The following MCTP1 variants were observed in gnomAD, a reference collection of about 807,000 sequenced individuals.
MCTP1 encodes the protein multiple C2 and transmembrane domain-containing protein 1.
Under a neutral mutation model 120.6 loss-of-function variants are expected in MCTP1, and 69 were observed. The ratio of observed to expected loss-of-function variants is 0.57; its 90% CI spans 0.47 to 0.70. The LOEUF (loss-of-function observed/expected upper bound fraction) is 0.70. Ranked by LOEUF, MCTP1 falls within the 30% of genes least tolerant of loss-of-function variation. The probability of loss-of-function intolerance (pLI) is 0.00; values close to 1 mark genes in which losing one functional copy is unlikely to be tolerated. For synonymous variants in MCTP1, 529 were observed against 493.1 expected, an observed-to-expected ratio of 1.07 and a Z score of -0.96; for missense variants, 1,203 against 1,248.8, an observed-to-expected ratio of 0.96 and a Z score of 0.55.
chr5:94,738,658 AATG>A (rs1430277169), intron 19 of MCTP1, among the ~76,000 whole-genome samples: 3 of 152,266 alleles, frequency 2.0e-5, no homozygotes, highest in East Asian at 1.9e-4. Flanking sequence ...GAATTCTGAG[AATG>A]ATGATTGTCT....
At chr5:94,838,728 A>AG (rs1182221877) in intron 17 of MCTP1, among the ~76,000 whole-genome samples, 3 of 152,226 alleles carry the variant, frequency 2.0e-5, no homozygotes, top group African/African-American at 7.2e-5. Flanking sequence ...TTGAGTGGAC[A>AG]AATAAATGTA....
intron 19 of MCTP1, among the ~76,000 whole-genome samples, chr5:94,742,143 AT>A (rs1765661249): frequency 2.0e-5 from 3 of 152,356 alleles, no homozygotes; most frequent in African/African-American, 7.2e-5. Context: ...GGAAGAAATG[AT>A]GCTCGAACCC....
intron 1 of MCTP1, among the ~76,000 whole-genome samples, chr5:95,123,702 T>C (rs1021457320): frequency 6.6e-6 from 1 of 151,060 alleles, no homozygotes; most frequent in Non-Finnish European, 1.5e-5. Context: ...CAGGCTGGAG[T>C]GCAGTGGCAC....
intron 19 of MCTP1, among the ~76,000 whole-genome samples, chr5:94,774,358 C>CTTG (rs1242946372): frequency 2.0e-5 from 3 of 150,574 alleles, no homozygotes; most frequent in African/African-American, 7.3e-5. Context: ...TTAAAAGGAA[C>CTTG]TTGTCTCTTC....
chr5:94,737,834 A>G (rs1271328095), intron 19 of MCTP1, among the ~76,000 whole-genome samples: 1 of 152,006 alleles, frequency 6.6e-6, no homozygotes, highest in East Asian at 1.9e-4. Flanking sequence ...GCGCCACCAC[A>G]CTTGGTTAAT....
chr5:94,829,792 T>C (rs1187606657), intron 17 of MCTP1, among the ~76,000 whole-genome samples: 2 of 152,234 alleles, frequency 1.3e-5, no homozygotes, highest in Admixed American at 1.3e-4. Context: ...CAGTTCTGCC[T>C]CAGAAGTGTG....
Position 95,284,667 on chromosome 5 carries a change from CGGCGCT to C in MCTP1, c.-98_-93del. ...GGCTGCACCTCCTCCCGGGTCCCCG[CGGCGCT>C]GGCGGTGGCGGCGGCGGCGGCGGCG... On this transcript the variant is annotated 5_prime_UTR_variant, in exon 1 of 23. Transcript: ENST00000515393. The surrounding 1 kb of genome is among the most constrained non-coding windows in gnomAD (Gnocchi z 5.2). 8.8e-7 allele frequency: 1 copy of C among 1,132,450 alleles called. No individual in the cohort carries two copies. The highest frequency in any genetic ancestry group is 1.2e-6 in the Non-Finnish European group (1 of 857,756). 70.2% of individuals were successfully genotyped at this position (1,132,450 alleles called of 1,614,324 possible).
chr5:95,146,969 G>C (rs1760444794), intron 1 of MCTP1, among the ~76,000 whole-genome samples: 1 of 152,142 alleles, frequency 6.6e-6, no homozygotes, highest in African/African-American at 2.4e-5. Context: ...GCTATCAGTG[G>C]GGTGTTCAAG....
chr5:94,816,059 T>C (rs1784416359), intron 17 of MCTP1, among the ~76,000 whole-genome samples: 1 of 152,206 alleles, frequency 6.6e-6, no homozygotes, highest in African/African-American at 2.4e-5. Flanking sequence ...GGCTGAATAA[T>C]GCTAAGACTT....
intron 5 of MCTP1, among the ~76,000 whole-genome samples, chr5:94,934,755 T>TTTA (rs1554142483): frequency 1.3e-5 from 2 of 151,020 alleles, no homozygotes; most frequent in South Asian, 2.1e-4. Flanking sequence ...TTTTTTTTTT[T>TTTA]ACTCATCAAA....
At chr5:94,874,583 G>C (rs987289814) in intron 12 of MCTP1, among the ~76,000 whole-genome samples, 1 of 152,098 alleles carries the variant, frequency 6.6e-6, no homozygotes, top group Admixed American at 6.6e-5. Context: ...ATAAAGAATA[G>C]AGAACTGGAA....
chr5:94,846,106 A>T lies in MCTP1; in HGVS notation c.2436+22227T>A, dbSNP rs374332125. 3.3e-4 allele frequency among the ~76,000 whole-genome samples: 11 copies of T among 33,654 alleles called. No homozygotes were observed. In the East Asian group the frequency reaches 8.3e-3, roughly 25 times the overall value. The allele number at this position is 33,654 out of a possible 152,430, so 22.1% of individuals were successfully genotyped here. Reference sequence around the variant, plus strand: ...AAGCAGTGTGGCAATTCCTCAAAGAACTTAAAACAGAATTGGCTATTCGGC... The same window carrying T: ...AAGCAGTGTGGCAATTCCTCAAAGATCTTAAAACAGAATTGGCTATTCGGC... On this transcript the variant is annotated intron_variant, in intron 17 of 22. Transcript: ENST00000515393.
At chr5:94,919,983 CT>C (rs1811127958) in intron 7 of MCTP1, among the ~76,000 whole-genome samples, 1 of 152,200 alleles carries the variant, frequency 6.6e-6, no homozygotes, top group Non-Finnish European at 1.5e-5. Context: ...TAGCGAAATT[CT>C]GCTGGTTTTT....
At chr5:94,994,732 G>A (rs1832272727) in intron 2 of MCTP1, among the ~76,000 whole-genome samples, 1 of 152,130 alleles carries the variant, frequency 6.6e-6, no homozygotes, top group African/African-American at 2.4e-5. Context: ...TGAGTCAGTG[G>A]ACTGCAAAAG....
chr5:94,985,989 T>G (rs372735162), intron 2 of MCTP1, among the ~76,000 whole-genome samples: 1 of 152,198 alleles, frequency 6.6e-6, no homozygotes, highest in East Asian at 1.9e-4. Flanking sequence ...ATGCCTGTTT[T>G]CTCCATTATA....
chr5:94,906,401 G>A (rs781009771), intron 10 of MCTP1, among the ~76,000 whole-genome samples: 2 of 152,110 alleles, frequency 1.3e-5, no homozygotes, highest in Non-Finnish European at 2.9e-5. Flanking sequence ...TGGGAGGATC[G>A]CTTGAGCCCA....
intron 5 of MCTP1, among the ~76,000 whole-genome samples, chr5:94,938,107 C>G (rs1464285666): frequency 6.6e-6 from 1 of 152,016 alleles, no homozygotes; most frequent in African/African-American, 2.4e-5. Flanking sequence ...TTTGCCATGG[C>G]CTCCTAATTG....
At chr5:95,010,140 G>A (rs2153655523) in intron 2 of MCTP1, among the ~76,000 whole-genome samples, 1 of 152,226 alleles carries the variant, frequency 6.6e-6, no homozygotes, top group South Asian at 2.1e-4. Flanking sequence ...AATTCTAATA[G>A]TTATACAAGT....
chr5:95,219,165 C>T (rs909304731), intron 1 of MCTP1, among the ~76,000 whole-genome samples: 8 of 152,004 alleles, frequency 5.3e-5, no homozygotes, highest in Admixed American at 3.3e-4. Context: ...GTGGATCATG[C>T]GGTCAGGAGA....
Sources: allele counts gnomAD v4.1 joint callset (sites outside exome capture counted in the v4.1 genomes callset), GRCh38; gene constraint gnomAD v4.1.1; non-coding constraint Gnocchi (gnomAD v3.1); transcripts MANE v1.5; gene names NCBI Gene and HGNC (gene_info 2026-07-23, HGNC 2026-07-21).